ITPKB: variants seen among roughly 807,000 people sequenced by gnomAD.
ITPKB encodes inositol-trisphosphate 3-kinase B, also known as IP3 3-kinase B.
In ITPKB, 13 loss-of-function variants were observed where a neutral mutation model predicts 69.4. That is an observed-to-expected ratio of 0.19 (90% CI 0.12 to 0.30). The LOEUF (loss-of-function observed/expected upper bound fraction) is 0.30, where lower values mean the gene tolerates loss of function less well. Ranked by LOEUF, ITPKB falls within the 10% of genes least tolerant of loss-of-function variation. The pLI is 1.00. For missense variants in ITPKB, 1,240 were observed against 1,250.5 expected (o/e 0.99, Z 0.13); for synonymous variants, 584 against 513.7 (o/e 1.14, Z -1.85).
intron 2 of ITPKB, among the ~76,000 whole-genome samples, chr1:226,678,585 T>C (rs1349890497): frequency 6.6e-6 from 1 of 152,234 alleles, no homozygotes; most frequent in African/African-American, 2.4e-5. Flanking sequence ...TTTCCTCACC[T>C]GTGAAATGAA....
At chr1:226,662,937 C>G (rs750472251) in intron 2 of ITPKB, among the ~76,000 whole-genome samples, 2 of 152,180 alleles carry the variant, frequency 1.3e-5, no homozygotes. Flanking sequence ...TATGAGTCAC[C>G]CAGCTTCCCT....
intron 2 of ITPKB, among the ~76,000 whole-genome samples, chr1:226,657,881 T>C (rs1455256731): frequency 6.6e-6 from 1 of 152,126 alleles, no homozygotes; most frequent in Non-Finnish European, 1.5e-5. Context: ...TAGCCTCACA[T>C]AAACAGCAAG....
At chr1:226,691,513 A>G (rs1024869109) in intron 2 of ITPKB, among the ~76,000 whole-genome samples, 1 of 152,204 alleles carries the variant, frequency 6.6e-6, no homozygotes, top group African/African-American at 2.4e-5. Flanking sequence ...CAACAGCAGG[A>G]AGGGGAGGGC....
intron 2 of ITPKB, among the ~76,000 whole-genome samples, chr1:226,727,498 C>T (rs1250016119): frequency 3.3e-5 from 5 of 152,168 alleles, no homozygotes; most frequent in Non-Finnish European, 7.3e-5. Context: ...AAATCCTTCT[C>T]GCGGCAGGCT....
At chr1:226,726,546 C>T (rs908292092) in intron 2 of ITPKB, among the ~76,000 whole-genome samples, 4 of 152,054 alleles carry the variant, frequency 2.6e-5, no homozygotes, top group Non-Finnish European at 5.9e-5. Context: ...CATGATGGTA[C>T]GAGCCTGTAG....
intron 2 of ITPKB, among the ~76,000 whole-genome samples, chr1:226,722,375 G>A (rs1316979028): frequency 6.6e-6 from 1 of 152,192 alleles, no homozygotes; most frequent in African/African-American, 2.4e-5. Flanking sequence ...CCAAAGACAG[G>A]ATGCCAGGAA....
At position 226,736,511 on chromosome 1, in the gene ITPKB, G is replaced by A. The variant is rs1657770839; in HGVS notation, c.948C>T (p.His316=). The A allele has an allele frequency of 1.2e-6, 2 of 1,613,988 alleles. No homozygotes were observed. The highest frequency in any genetic ancestry group is 1.1e-5 in the South Asian group (1 of 91,090). Residue 316 remains histidine, a synonymous_variant, in exon 2 of 8, where the codon CAC becomes CAT. Coordinates refer to ENST00000429204, the MANE Select transcript of ITPKB (RefSeq NM_002221.4). ...CAGTGAGGGCAAGATCCTGTGGACG[G>A]TGTGGCCCAGTGGATGTAACTCTCG... ...VAARVTSTGP[H]RPQDLALTEP...
chr1:226,636,346 G>C (rs188951289), intron 7 of ITPKB, among the ~76,000 whole-genome samples: 1 of 152,224 alleles, frequency 6.6e-6, no homozygotes, highest in Non-Finnish European at 1.5e-5. Flanking sequence ...GAGAAGGACC[G>C]AGCTCCCTGC....
At position 226,738,842 on chromosome 1, in the gene ITPKB, C is replaced by T; in HGVS notation, c.-206+199G>A. 6.6e-6 allele frequency among the ~76,000 whole-genome samples: 1 copy of T among 152,300 alleles called. No homozygotes were observed. Among genetic ancestry groups the T allele is most frequent in the South Asian group, 2.1e-4 (1 of 4,830 alleles). The stretch of plus-strand genomic sequence containing the variant: ...GCCCGGAAGGCGGGTAGGAGAAATG[C>T]GGAGACCTCGTCTCTCCCTATTTTC... On this transcript the variant is annotated intron_variant, in intron 1 of 7. Transcript: ENST00000429204. The surrounding 1 kb of genome is among the most constrained non-coding windows in gnomAD (Gnocchi z 4.2).
Position 226,637,774 on chromosome 1 carries a change from T to A in ITPKB, c.2554-24A>T. The A allele has an allele frequency of 6.3e-7, 1 of 1,592,896 alleles. No individual in the cohort carries two copies. Reference sequence around the variant, plus strand: ...ATCTGGGAATAGAAAGAGGACCAGATTTTTAAGCGCCGCGTGGGGAAGGGC... The same window carrying A: ...ATCTGGGAATAGAAAGAGGACCAGAATTTTAAGCGCCGCGTGGGGAAGGGC... On this transcript the variant is annotated intron_variant, in intron 6 of 7. Coordinates refer to ENST00000429204, the MANE Select transcript of ITPKB (RefSeq NM_002221.4). The surrounding 1 kb of genome is among the most constrained non-coding windows in gnomAD (Gnocchi z 4.3).
At chr1:226,686,902 C>T (rs1033995070) in intron 2 of ITPKB, among the ~76,000 whole-genome samples, 3 of 152,188 alleles carry the variant, frequency 2.0e-5, no homozygotes, top group South Asian at 2.1e-4. Context: ...TAGAGAAAAA[C>T]GTGCAGGGAG....
At chr1:226,716,189 G>T (rs973273871) in intron 2 of ITPKB, among the ~76,000 whole-genome samples, 3 of 152,200 alleles carry the variant, frequency 2.0e-5, no homozygotes, top group Non-Finnish European at 4.4e-5. Flanking sequence ...AAGTAGTGTG[G>T]TTGATGTGGA....
chr1:226,648,420 G>C (rs557172525), intron 3 of ITPKB, among the ~76,000 whole-genome samples: 10 of 151,050 alleles, frequency 6.6e-5, no homozygotes, highest in African/African-American at 2.4e-4. Flanking sequence ...ACAGAGATAA[G>C]AGCCAGAGAC....
At chr1:226,714,577 G>C (rs1261245282) in intron 2 of ITPKB, among the ~76,000 whole-genome samples, 1 of 152,214 alleles carries the variant, frequency 6.6e-6, no homozygotes, top group Non-Finnish European at 1.5e-5. Flanking sequence ...AGGTTGCCCT[G>C]CTTCCTCCTG....
chr1:226,733,940 T>C (rs1269538274), intron 2 of ITPKB, among the ~76,000 whole-genome samples: 3 of 152,200 alleles, frequency 2.0e-5, no homozygotes, highest in Admixed American at 6.5e-5. Flanking sequence ...AAAGGGTGAA[T>C]GGACAGTCAG....
intron 2 of ITPKB, among the ~76,000 whole-genome samples, chr1:226,732,966 G>A (rs939056279): frequency 1.3e-5 from 2 of 152,186 alleles, no homozygotes; most frequent in African/African-American, 2.4e-5. Context: ...TGAAGAAAGC[G>A]CCACAGGAGG....
chr1:226,634,973 G>A lies in ITPKB; in HGVS notation c.2626-87C>T. On this transcript the variant is annotated intron_variant, in intron 7 of 7. Transcript: ENST00000429204. The surrounding 1 kb of genome is among the most constrained non-coding windows in gnomAD (Gnocchi z 6.3). Reference sequence around the variant, plus strand: ...CCCGGGGCCTGGGTGACCAGGTGGGGAGGCTCGCTCAGGCCGGACAGTTGG... The same window carrying A: ...CCCGGGGCCTGGGTGACCAGGTGGGAAGGCTCGCTCAGGCCGGACAGTTGG... 1 of 1,028,788 alleles carries A rather than the reference G, an allele frequency of 9.7e-7. No individual in the cohort carries two copies. Among genetic ancestry groups the A allele is most frequent in the Non-Finnish European group, 1.4e-6 (1 of 692,894 alleles). The allele number at this position is 1,028,788 out of a possible 1,614,324, so 63.7% of individuals were successfully genotyped here. A position where few individuals can be genotyped will look rare whatever the true frequency, so the allele number is the denominator to read the frequency against.
chr1:226,665,679 C>T (rs1256102547), intron 2 of ITPKB, among the ~76,000 whole-genome samples: 1 of 152,204 alleles, frequency 6.6e-6, no homozygotes, highest in African/African-American at 2.4e-5. Context: ...CCCCACCAAC[C>T]TGGCCCTGCC....
At chr1:226,679,779 TGTCACA>T (rs1656033275) in intron 2 of ITPKB, among the ~76,000 whole-genome samples, 1 of 152,228 alleles carries the variant, frequency 6.6e-6, no homozygotes, top group Non-Finnish European at 1.5e-5. Context: ...GTAATGGACA[TGTCACA>T]GTTTAAAACT....
Sources: allele counts gnomAD v4.1 joint callset (sites outside exome capture counted in the v4.1 genomes callset), GRCh38; gene constraint gnomAD v4.1.1; non-coding constraint Gnocchi (gnomAD v3.1); transcripts MANE v1.5; gene names NCBI Gene and HGNC (gene_info 2026-07-23, HGNC 2026-07-21).